The following CENPE variants were observed in gnomAD, a reference collection of about 807,000 sequenced individuals.
The protein encoded by CENPE is centromere protein E.
A neutral mutation model predicts 336.1 loss-of-function variants in CENPE; 145 were observed. That is an observed-to-expected ratio of 0.43 (90% CI 0.38 to 0.50). The LOEUF (loss-of-function observed/expected upper bound fraction) is 0.50. Among genes scored for constraint, CENPE ranks in the 20% least tolerant of loss-of-function variants. CENPE has a pLI of 0.00. For missense variants in CENPE, 2,719 were observed against 3,023.3 expected (o/e 0.90, Z 2.36); for synonymous variants, 1,013 against 984.8 (o/e 1.03, Z -0.54).
chr4:103,118,001 GAC>G (rs1248581208), intron 44 of CENPE, among the ~76,000 whole-genome samples: 1 of 152,156 alleles, frequency 6.6e-6, no homozygotes, highest in African/African-American at 2.4e-5. Context: ...CCCACTGAAA[GAC>G]AGTCTTAGCA....
At chr4:103,187,719 G>A (rs1277461701) in intron 8 of CENPE, among the ~76,000 whole-genome samples, 17 of 152,168 alleles carry the variant, frequency 1.1e-4, no homozygotes. Flanking sequence ...GACCATTGAG[G>A]CTAGGAAGAA....
At chr4:103,161,558 A>G in intron 18 of CENPE, 101 bp from the exon 19 acceptor site, 1 of 1,007,562 alleles carries the variant, frequency 9.9e-7, no homozygotes, top group Non-Finnish European at 1.4e-6. Flanking sequence ...GCTAATCAAA[A>G]AGCGTACAAA....
intron 15 of CENPE, among the ~76,000 whole-genome samples, chr4:103,175,339 T>C (rs1307594956): frequency 6.6e-6 from 1 of 151,780 alleles, no homozygotes; most frequent in Non-Finnish European, 1.5e-5. Flanking sequence ...AGATAAACCA[T>C]GAGTTAAAAA....
At position 103,182,870 on chromosome 4, in the gene CENPE, A is replaced by G. The variant is rs751860673; in HGVS notation, c.855T>C (p.Asp285=). The G allele has an allele frequency of 7.4e-6, 12 of 1,612,568 alleles. No individual in the cohort carries two copies. Among genetic ancestry groups the G allele is most frequent in the Non-Finnish European group, 1.0e-5 (12 of 1,179,150 alleles). Residue 285 remains aspartate (D), a synonymous_variant, in exon 11 of 49, where the codon GAT becomes GAC. Coordinates refer to ENST00000265148, the MANE Select transcript of CENPE (RefSeq NM_001813.3). ...TCTGGAGAATTCGTGTTAACTTGCT[A>G]TCTCGATAATTTATGAAACCACTTA... is the stretch of plus-strand genomic sequence containing the variant. The part of the protein sequence containing the change: ...GQVGGFINYR[D]SKLTRILQNS...
At chr4:103,183,153 T>C in intron 10 of CENPE, 48 bp downstream of exon 10, 1 of 1,393,168 alleles carries the variant, frequency 7.2e-7, no homozygotes, top group Non-Finnish European at 1.0e-6. Context: ...TTCAACCTAA[T>C]GAAAAATATA....
chr4:103,157,941 G>C (rs542774279), intron 24 of CENPE, among the ~76,000 whole-genome samples: 1 of 151,990 alleles, frequency 6.6e-6, no homozygotes, highest in South Asian at 2.1e-4. Context: ...TTGTGGGAAA[G>C]TAGAAAAGAA....
rs61751596 is a variant in CENPE at position 103,159,109 on chromosome 4, C to G, written c.2502G>C (p.Lys834Asn). 55 of 1,603,070 alleles carry G rather than the reference C, an allele frequency of 3.4e-5. No homozygotes were observed. Among genetic ancestry groups the G allele is most frequent in the Non-Finnish European group, 4.6e-5 (54 of 1,176,210 alleles). ...TTCTCTCATTCTCCTCAAGGACCAT[C>G]TTATACTTTTGCTCAAAGTCCATAT... is the stretch of plus-strand genomic sequence containing the variant. ...TLHMDFEQKY[K>N]MVLEENERMN... Residue 834 changes from lysine to asparagine, a missense_variant, in exon 22 of 49, where the codon AAG (lysine) becomes AAC (asparagine). This residue lies in a region of CENPE where 2,437 missense variants were observed against 2,513.3 expected (regional missense o/e 0.97). Transcript: ENST00000265148.
In CENPE at chr4:103,144,610, T is replaced by G; in HGVS notation, c.4866A>C (p.Glu1622Asp). The G allele has an allele frequency of 6.3e-7, 1 of 1,598,400 alleles. No individual in the cohort carries two copies. The highest frequency in any genetic ancestry group is 8.5e-7 in the Non-Finnish European group (1 of 1,173,574). Residue 1622 changes from glutamate (E) to aspartate (D), a missense_variant, in exon 33 of 49, where the codon GAA (glutamate) becomes GAC (aspartate). By Grantham distance (45) the Glu-to-Asp change is conservative (BLOSUM62 2). Transcript: ENST00000265148. The stretch of plus-strand genomic sequence containing the variant: ...GAAACTGATATTCTTTTTCTTGAGA[T>G]TCTTTCATCTGAGAAAATTATAAAG... ...NTKEIVAKMK[E>D]SQEKEYQFLK...
In CENPE at chr4:103,176,011, A is replaced by G. The variant is rs1414417807; in HGVS notation, c.1428T>C (p.Leu476=). 6.2e-7 allele frequency: 1 copy of G among 1,606,540 alleles called. No homozygotes were observed. The highest frequency in any genetic ancestry group is 8.5e-7 in the Non-Finnish European group (1 of 1,176,466). Residue 476 remains leucine, a synonymous_variant, in exon 15 of 49, where the codon CTT becomes CTC. Coordinates refer to ENST00000265148, the MANE Select transcript of CENPE (RefSeq NM_001813.3). ...CSESDVFSNT[L]DTLSEIEWNP... ...TCCATTCTATCTCACTTAATGTATC[A>G]AGAGTGTTACTGAAAACATCAGACT...
rs771186339 is a variant in CENPE, at chr4:103,161,161, G to A, written c.2056C>T (p.Leu686=). 6.2e-7 allele frequency: 1 copy of A among 1,612,306 alleles called. No individual in the cohort carries two copies. The part of the protein sequence containing the change: ...LEAKKKMQVD[L]EKELQSAFNE... Reference sequence around the variant, plus strand: ...AAAGCAGATTGTAATTCTTTCTCCAGATCAACTTGCATTTTCTTTTTTGCC... The same window carrying A: ...AAAGCAGATTGTAATTCTTTCTCCAAATCAACTTGCATTTTCTTTTTTGCC... Residue 686 remains leucine, a synonymous_variant, in exon 20 of 49, where the codon CTG becomes TTG. Transcript: ENST00000265148.
At chr4:103,145,399 A>C in intron 31 of CENPE, 65 bp from the exon 32 acceptor site, 1 of 1,346,672 alleles carries the variant, frequency 7.4e-7, no homozygotes, top group Non-Finnish European at 1.0e-6. Context: ...ACACACATAC[A>C]CAACTTAAGA....
chr4:103,191,655 G>T (rs1033725665), intron 8 of CENPE, among the ~76,000 whole-genome samples: 2 of 144,478 alleles, frequency 1.4e-5, no homozygotes, highest in South Asian at 4.8e-4. Context: ...TTGTGGGGTG[G>T]GGGGAGGGGG....
At chr4:103,191,646 T>C (rs1578696952) in intron 8 of CENPE, among the ~76,000 whole-genome samples, 1 of 59,822 alleles carries the variant, frequency 1.7e-5, no homozygotes, top group African/African-American at 6.7e-5. Context: ...CGGGGCCTGT[T>C]GTGGGGTGGG....
rs1368736403 is a variant in CENPE, at chr4:103,129,529, G to C, written c.6924+3164C>G. Among the ~76,000 whole-genome samples the C allele has an allele frequency of 2.0e-5, 3 of 152,032 alleles. No homozygotes were observed. In the East Asian group the frequency reaches 5.8e-4, roughly 29 times the overall value. On this transcript the variant is annotated intron_variant, in intron 42 of 48. Coordinates refer to ENST00000265148, the MANE Select transcript of CENPE (RefSeq NM_001813.3). ...CGAGGTGGGTGGATCACGAGGTCAG[G>C]AGTTCGAGACCAGCCTGACCAACAT...
chr4:103,174,752 G>T lies in CENPE; in HGVS notation c.1631C>A (p.Thr544Asn). 1.3e-6 allele frequency: 2 copies of T among 1,521,104 alleles called. No homozygotes were observed. The highest frequency in any genetic ancestry group is 2.4e-5 in the East Asian group (1 of 40,904). 94.2% of individuals were successfully genotyped at this position (1,521,104 alleles called of 1,614,324 possible). The change falls in exon 16 of 49, where the codon ACT becomes AAT. Residue 544 changes from threonine (T) to asparagine (N), a missense_variant. By Grantham distance (65) the Thr-to-Asn change is moderately conservative. This residue lies in a region of CENPE where 2,437 missense variants were observed against 2,513.3 expected (regional missense o/e 0.97). Coordinates refer to ENST00000265148, the MANE Select transcript of CENPE (RefSeq NM_001813.3). Reference sequence around the variant, plus strand: ...CTCTCTTACCTCTTGATCTTTTTTAGTTTTTCTTTCTAGAGCCTCAAATTC... The same window carrying T: ...CTCTCTTACCTCTTGATCTTTTTTATTTTTTCTTTCTAGAGCCTCAAATTC... ...LDEFEALERK[T>N]KKDQEMQLIH...
intron 16 of CENPE, among the ~76,000 whole-genome samples, chr4:103,165,674 T>G (rs957484541): frequency 6.6e-6 from 1 of 152,074 alleles, no homozygotes; most frequent in Admixed American, 6.6e-5. Context: ...TAAGTAACCT[T>G]AAATTTTGTG....
At chr4:103,140,728 T>A (rs1752480357) in intron 36 of CENPE, 86 bp downstream of exon 36, 1 of 1,122,516 alleles carries the variant, frequency 8.9e-7, no homozygotes, top group Admixed American at 2.6e-5. Context: ...TAGGTTTTAG[T>A]CACCAGACAC....
intron 43 of CENPE, among the ~76,000 whole-genome samples, chr4:103,122,208 G>A (rs997347161): frequency 1.1e-4 from 17 of 152,018 alleles, no homozygotes; most frequent in Non-Finnish European, 1.9e-4. Flanking sequence ...TTAAGCTGGT[G>A]GTTGATGTTT....
intron 48 of CENPE, among the ~76,000 whole-genome samples, chr4:103,107,975 TTC>T (rs1049469740): frequency 2.0e-5 from 3 of 152,174 alleles, no homozygotes; most frequent in African/African-American, 7.2e-5. Context: ...TGGCTCTTAT[TTC>T]TCTCTTTGGC....
Sources: allele counts gnomAD v4.1 joint callset (sites outside exome capture counted in the v4.1 genomes callset), GRCh38; gene constraint gnomAD v4.1.1; regional missense constraint gnomAD v4.1.1; transcripts MANE v1.5; gene names NCBI Gene and HGNC (gene_info 2026-07-23, HGNC 2026-07-21).